The following KLRF1 variants were observed in gnomAD, a reference collection of about 807,000 sequenced individuals.
The protein encoded by KLRF1 is killer cell lectin-like receptor subfamily F member 1.
Under a neutral mutation model 30.7 loss-of-function variants are expected in KLRF1, and 27 were observed. The ratio of observed to expected loss-of-function variants is 0.88; its 90% confidence interval spans 0.65 to 1.21. KLRF1 has a LOEUF of 1.21. KLRF1 is among the 50% of genes most tolerant of loss of function. The pLI is 0.00. For missense variants in KLRF1, 246 were observed against 259.3 expected (o/e 0.95, Z 0.35); for synonymous variants, 92 against 89.3 (o/e 1.03, Z -0.17).
chr12:9,842,373 AC>A lies in KLRF1; in HGVS notation c.528del (p.Phe177LeufsTer4). ...TTAAACTACGTATGGATTGGGCTTA[AC>A]TTTACCTCCTTGAAAATGACATGGA... is the stretch of plus-strand genomic sequence containing the variant. ...RQLNYVWIGL[N>X]FTSLKMTWTW... On this transcript the variant is annotated frameshift_variant, in exon 5 of 6. Coordinates refer to ENST00000617889, the MANE Select transcript of KLRF1 (RefSeq NM_016523.3). LOFTEE classifies it high-confidence loss of function. 3 of 1,612,530 alleles carry A rather than the reference AC, an allele frequency of 1.9e-6. No individual in the cohort carries two copies. Among genetic ancestry groups the A allele is most frequent in the Non-Finnish European group, 2.5e-6 (3 of 1,178,948 alleles).
At chr12:9,837,271 AT>A (rs1437718197) in intron 3 of KLRF1, among the ~76,000 whole-genome samples, 2 of 151,962 alleles carry the variant, frequency 1.3e-5, no homozygotes, top group African/African-American at 4.8e-5. Context: ...TCCACATTTT[AT>A]TCCTTTTTAT....
chr12:9,834,081 T>TG (rs1384771402), intron 3 of KLRF1, among the ~76,000 whole-genome samples: 5 of 150,534 alleles, frequency 3.3e-5, no homozygotes, highest in Non-Finnish European at 7.4e-5. Context: ...CAGGCAGGAG[T>TG]GGGGGTCACA....
intron 1 of KLRF1, among the ~76,000 whole-genome samples, chr12:9,828,090 T>C (rs900486572): frequency 3.6e-4 from 55 of 152,182 alleles, no homozygotes; most frequent in Non-Finnish European, 7.5e-4. Flanking sequence ...TGCTATTTTT[T>C]TTTTTTGAGA....
intron 3 of KLRF1, among the ~76,000 whole-genome samples, chr12:9,839,767 A>G (rs959730504): frequency 1.3e-5 from 2 of 152,116 alleles, no homozygotes; most frequent in African/African-American, 4.8e-5. Flanking sequence ...TCTGGTAGAA[A>G]TGTAAAATTT....
the KLRF1 span, among the ~76,000 whole-genome samples, chr12:9,813,857 G>C: frequency 6.6e-6 from 1 of 152,130 alleles, no homozygotes; most frequent in Non-Finnish European, 1.5e-5. Context: ...GGGGCCCCGA[G>C]ACTAGGATGG....
At chr12:9,836,116 A>T (rs1023707372) in intron 3 of KLRF1, among the ~76,000 whole-genome samples, 4 of 152,054 alleles carry the variant, frequency 2.6e-5, no homozygotes, top group African/African-American at 9.7e-5. Context: ...AGGAGAGAAT[A>T]AGTAACGTTG....
the KLRF1 span, chr12:9,817,399 C>T: frequency 5.2e-6 from 2 of 387,806 alleles, no homozygotes; most frequent in South Asian, 2.2e-5. Context: ...TCTAGCTGAT[C>T]TCTAGTTTCT....
intron 3 of KLRF1, among the ~76,000 whole-genome samples, chr12:9,838,490 C>A (rs1867633006): frequency 6.6e-6 from 1 of 152,070 alleles, no homozygotes; most frequent in Non-Finnish European, 1.5e-5. Flanking sequence ...TTGAAATGGA[C>A]CTTCTCAGTC....
chr12:9,826,518 T>G (rs1218520508), upstream of KLRF1, among the ~76,000 whole-genome samples: 2 of 152,136 alleles, frequency 1.3e-5, no homozygotes, highest in African/African-American at 4.8e-5. Context: ...AGCAATCCCA[T>G]TACTGGTATA....
At chr12:9,815,541 C>T in the KLRF1 span, among the ~76,000 whole-genome samples, 9 of 152,316 alleles carry the variant, frequency 5.9e-5, no homozygotes, top group East Asian at 1.9e-4. Context: ...TAGCTTGCTA[C>T]GCACTCCATC....
the KLRF1 span, among the ~76,000 whole-genome samples, chr12:9,812,582 T>C: frequency 1.3e-5 from 2 of 152,170 alleles, no homozygotes; most frequent in African/African-American, 2.4e-5. Context: ...GGAAAACTTA[T>C]GGCAATTAAT....
the KLRF1 span, among the ~76,000 whole-genome samples, chr12:9,813,788 G>A: frequency 6.6e-6 from 1 of 152,122 alleles, no homozygotes; most frequent in African/African-American, 2.4e-5. Context: ...TTAGTGCAGG[G>A]AAAGTGTGTC....
chr12:9,803,113 A>G, the KLRF1 span, among the ~76,000 whole-genome samples: 1 of 152,156 alleles, frequency 6.6e-6, no homozygotes, highest in Non-Finnish European at 1.5e-5. Context: ...CAAAGCAGAC[A>G]CATAGACCAA....
chr12:9,830,483 C>G (rs1375749154), intron 1 of KLRF1, among the ~76,000 whole-genome samples: 1 of 151,968 alleles, frequency 6.6e-6, no homozygotes, highest in Non-Finnish European at 1.5e-5. Context: ...TTTTTCTGGA[C>G]TTAAGCAGAA....
At chr12:9,842,034 T>A (rs1205703182) in intron 4 of KLRF1, 83 bp downstream of exon 4, 1 of 1,402,356 alleles carries the variant, frequency 7.1e-7, no homozygotes, top group Non-Finnish European at 9.7e-7. Context: ...TTGCATTAAA[T>A]CATCATTTAC....
chr12:9,832,316 A>C lies in KLRF1; in HGVS notation c.86A>C (p.Asp29Ala). 1 of 1,554,462 alleles carries C rather than the reference A, an allele frequency of 6.4e-7. No homozygotes were observed. The highest frequency in any genetic ancestry group is 8.9e-7 in the Non-Finnish European group (1 of 1,127,406). ...CTAATTCATGTGATTAATGTCTCAG[A>C]TTATTCAGTGACGTTGCACTGGTAT... ...SAQTSQLTFK[D>A]YSVTLHWYKI... Residue 29 changes from aspartate to alanine, a missense_variant and splice_region_variant, in exon 2 of 6, where the codon GAT (aspartate) becomes GCT (alanine). By Grantham distance (126) the Asp-to-Ala change is moderately radical. Coordinates refer to ENST00000617889, the MANE Select transcript of KLRF1 (RefSeq NM_016523.3).
the KLRF1 span, among the ~76,000 whole-genome samples, chr12:9,803,843 T>G: frequency 6.6e-6 from 1 of 152,080 alleles, no homozygotes; most frequent in Admixed American, 6.6e-5. Context: ...TTACTGCAGC[T>G]TTATACTAAG....
At chr12:9,818,288 G>C in the KLRF1 span, among the ~76,000 whole-genome samples, 1 of 152,176 alleles carries the variant, frequency 6.6e-6, no homozygotes, top group African/African-American at 2.4e-5. Flanking sequence ...GGTTGTGCAA[G>C]TGGCACAGCT....
the KLRF1 span, among the ~76,000 whole-genome samples, chr12:9,821,936 C>T: frequency 6.6e-6 from 1 of 152,212 alleles, no homozygotes; most frequent in Non-Finnish European, 1.5e-5. Flanking sequence ...CACTATGAGA[C>T]CAAAGACAAG....
Sources: allele counts gnomAD v4.1 joint callset (sites outside exome capture counted in the v4.1 genomes callset), GRCh38; gene constraint gnomAD v4.1.1; transcripts MANE v1.5; gene names NCBI Gene and HGNC (gene_info 2026-07-23, HGNC 2026-07-21).